RPS6KC1: variants seen among roughly 807,000 people sequenced by gnomAD.
The protein encoded by RPS6KC1 is ribosomal protein S6 kinase C1.
Under a neutral mutation model 103.8 loss-of-function variants are expected in RPS6KC1, and 54 were observed. The observed-to-expected ratio is 0.52, with a 90% CI of 0.42 to 0.65. The LOEUF is 0.65. RPS6KC1 is among the 30% of genes least tolerant of loss of function. The pLI, the probability that RPS6KC1 is intolerant of heterozygous loss-of-function variation, is 0.00. For synonymous variants in RPS6KC1, 439 were observed against 438.7 expected, an observed-to-expected ratio of 1.00 and a Z score of -0.01; for missense variants, 1,151 against 1,253.8, an observed-to-expected ratio of 0.92 and a Z score of 1.24.
chr1:213,452,219 T>G, the RPS6KC1 span, among the ~76,000 whole-genome samples: 1 of 152,076 alleles, frequency 6.6e-6, no homozygotes, highest in Admixed American at 6.6e-5. Flanking sequence ...ACTTTAATCA[T>G]GAGCTAATTT....
the RPS6KC1 span, among the ~76,000 whole-genome samples, chr1:213,531,524 AAGGTCAGTGGGTCAATAAATGG>A: frequency 6.6e-6 from 1 of 152,176 alleles, no homozygotes; most frequent in Non-Finnish European, 1.5e-5. Context: ...TAACTTTCTC[AAGGTCAGTGGGTCAATAAATGG>A]AGCTCAGTGA....
chr1:213,428,699 G>A, the RPS6KC1 span: 1 of 148,854 alleles, frequency 6.7e-6, no homozygotes, highest in African/African-American at 2.5e-5. Flanking sequence ...AATCAGCAGC[G>A]ATTAGTTCTC....
the RPS6KC1 span, among the ~76,000 whole-genome samples, chr1:213,660,090 G>C: frequency 6.6e-6 from 1 of 152,312 alleles, no homozygotes; most frequent in South Asian, 2.1e-4. Flanking sequence ...GGAGATCCGA[G>C]GTTACTGGTT....
chr1:213,315,538 G>A, the RPS6KC1 span, among the ~76,000 whole-genome samples: 1 of 152,194 alleles, frequency 6.6e-6, no homozygotes, highest in Non-Finnish European at 1.5e-5. Flanking sequence ...ATACAACTTG[G>A]AATTCATTGC....
At chr1:213,613,974 G>T in the RPS6KC1 span, among the ~76,000 whole-genome samples, 1 of 152,224 alleles carries the variant, frequency 6.6e-6, no homozygotes, top group African/African-American at 2.4e-5. Context: ...GGCTTTTACT[G>T]CGGCTGGGTG....
chr1:213,154,490 C>T (rs1344486899), intron 6 of RPS6KC1, among the ~76,000 whole-genome samples: 2 of 152,210 alleles, frequency 1.3e-5, no homozygotes, highest in Non-Finnish European at 2.9e-5. Context: ...TCCCACTCTT[C>T]CTTCCCTTTT....
the RPS6KC1 span, among the ~76,000 whole-genome samples, chr1:213,394,059 C>G: frequency 6.6e-6 from 1 of 152,186 alleles, no homozygotes; most frequent in South Asian, 2.1e-4. Context: ...GGCTGTGAGG[C>G]TGAGGAGGAT....
chr1:213,057,592 A>G (rs2077438077), intron 1 of RPS6KC1, among the ~76,000 whole-genome samples: 2 of 151,854 alleles, frequency 1.3e-5, no homozygotes, highest in Admixed American at 1.3e-4. Flanking sequence ...TTAGCCTTTT[A>G]GACTGATAAT....
intron 5 of RPS6KC1, among the ~76,000 whole-genome samples, chr1:213,126,571 A>G (rs982879029): frequency 6.6e-6 from 1 of 152,118 alleles, no homozygotes; most frequent in Non-Finnish European, 1.5e-5. Flanking sequence ...GGCAATTTGA[A>G]TTTAAAATAG....
intron 6 of RPS6KC1, among the ~76,000 whole-genome samples, chr1:213,167,452 A>ACG (rs1339458770): frequency 8.5e-6 from 1 of 117,410 alleles, no homozygotes; most frequent in Admixed American, 8.5e-5. Context: ...ACACACACAC[A>ACG]CACACACACA....
At chr1:213,069,454 T>TA (rs2078668527) in intron 1 of RPS6KC1, among the ~76,000 whole-genome samples, 1 of 152,204 alleles carries the variant, frequency 6.6e-6, no homozygotes, top group African/African-American at 2.4e-5. Flanking sequence ...CAGTTAGTAT[T>TA]ATCTCCGTTT....
At chr1:213,861,248 T>C in the RPS6KC1 span, among the ~76,000 whole-genome samples, 1 of 152,146 alleles carries the variant, frequency 6.6e-6, no homozygotes, top group Non-Finnish European at 1.5e-5. Flanking sequence ...CAAATATTAA[T>C]AATTTGTCCC....
At position 213,104,564 on chromosome 1, in the gene RPS6KC1, T is replaced by A. The variant is rs1572548412; in HGVS notation, c.373T>A (p.Phe125Ile). The A allele has an allele frequency of 6.4e-7, 1 of 1,560,252 alleles. No individual in the cohort carries two copies. The highest frequency in any genetic ancestry group is 2.3e-5 in the East Asian group (1 of 44,224). The part of the protein sequence containing the change: ...LYNSKQLEDF[F>I]KGGIINDSSE... ...CAATAGTAAACAGCTTGAAGACTTT[T>A]TCAAGGTTTGGTAGTCTTTCTGGAA... is the stretch of plus-strand genomic sequence containing the variant. Residue 125 changes from phenylalanine (F) to isoleucine (I), a missense_variant, in exon 4 of 15, where the codon TTC (phenylalanine) becomes ATC (isoleucine). Phe to Ile is a conservative substitution (Grantham distance 21). Transcript: ENST00000366960.
At chr1:213,740,644 A>G in the RPS6KC1 span, among the ~76,000 whole-genome samples, 1 of 148,884 alleles carries the variant, frequency 6.7e-6, no homozygotes, top group Admixed American at 6.7e-5. Flanking sequence ...ATACACATAC[A>G]TATATCTCTC....
intron 8 of RPS6KC1, 182 bp downstream of exon 8, chr1:213,176,674 T>A (rs2091893710): frequency 2.4e-6 from 1 of 414,574 alleles, no homozygotes; most frequent in Non-Finnish European, 4.4e-6. Flanking sequence ...TCATGTAAGG[T>A]CATGCAAAAT....
the RPS6KC1 span, among the ~76,000 whole-genome samples, chr1:213,853,591 C>T: frequency 6.6e-6 from 1 of 152,156 alleles, no homozygotes; most frequent in African/African-American, 2.4e-5. Flanking sequence ...TTTTGCTGTT[C>T]CACTTTTGTT....
the RPS6KC1 span, among the ~76,000 whole-genome samples, chr1:213,525,010 G>A: frequency 1.3e-5 from 2 of 152,162 alleles, no homozygotes; most frequent in Non-Finnish European, 2.9e-5. Context: ...CTACAGAGTC[G>A]TTAGGAAGAG....
At chr1:213,733,393 C>G in the RPS6KC1 span, among the ~76,000 whole-genome samples, 1 of 151,934 alleles carries the variant, frequency 6.6e-6, no homozygotes, top group African/African-American at 2.4e-5. Flanking sequence ...GCATATGCCA[C>G]CACAGCCAAT....
intron 1 of RPS6KC1, among the ~76,000 whole-genome samples, chr1:213,053,287 G>C (rs1175717577): frequency 6.6e-6 from 1 of 152,204 alleles, no homozygotes; most frequent in Admixed American, 6.5e-5. Context: ...TAATTTAGTT[G>C]CATGTCTGTG....
Sources: gnomAD v4.1 joint callset for allele counts (sites outside exome capture counted in the v4.1 genomes callset) on GRCh38, gnomAD v4.1.1 for gene constraint, MANE v1.5 for transcripts, NCBI Gene and HGNC (gene_info 2026-07-23, HGNC 2026-07-21) for gene names.